Variants in SRGAP1 observed in about 807,000 individuals in gnomAD.
SRGAP1 encodes SLIT-ROBO Rho GTPase-activating protein 1.
SRGAP1 carries 43 observed loss-of-function variants against 121.9 expected under a neutral mutation model. The observed-to-expected ratio is 0.35, with a 90% confidence interval of 0.28 to 0.46. The LOEUF is 0.46. Among genes scored for constraint, SRGAP1 ranks in the 20% least tolerant of loss-of-function variants. The pLI is 1.00. For synonymous variants in SRGAP1, 447 were observed against 485.4 expected (o/e 0.92, Z 1.04); for missense variants, 1,102 against 1,350.9 (o/e 0.82, Z 2.89).
chr12:63,947,591 A>G (rs2032091380), intron 1 of SRGAP1, among the ~76,000 whole-genome samples: 1 of 152,166 alleles, frequency 6.6e-6, no homozygotes, highest in African/African-American at 2.4e-5. Context: ...TCAGTTGACT[A>G]TGTATGTGTG....
At chr12:64,018,163 A>G (rs2034455468) in intron 4 of SRGAP1, among the ~76,000 whole-genome samples, 1 of 152,198 alleles carries the variant, frequency 6.6e-6, no homozygotes, top group Non-Finnish European at 1.5e-5. Context: ...AATCTCGGTC[A>G]CTGCAACCTC....
At chr12:63,890,372 C>G (rs955546926) in intron 1 of SRGAP1, among the ~76,000 whole-genome samples, 1 of 152,196 alleles carries the variant, frequency 6.6e-6, no homozygotes, top group African/African-American at 2.4e-5. Context: ...AAAGTGTCTA[C>G]TTTTCCCTCC....
chr12:63,919,198 C>T (rs2030930218), intron 1 of SRGAP1, among the ~76,000 whole-genome samples: 2 of 151,988 alleles, frequency 1.3e-5, no homozygotes, highest in South Asian at 4.2e-4. Flanking sequence ...GCTGGGACTA[C>T]AGGCACACAC....
chr12:64,022,897 A>G (rs560071541), intron 4 of SRGAP1, among the ~76,000 whole-genome samples: 1 of 152,278 alleles, frequency 6.6e-6, no homozygotes, highest in Non-Finnish European at 1.5e-5. Context: ...GAAGAGAGAG[A>G]GAGGGGCCAT....
At chr12:64,014,512 A>C (rs182346993) in intron 3 of SRGAP1, among the ~76,000 whole-genome samples, 2 of 152,316 alleles carry the variant, frequency 1.3e-5, no homozygotes, top group East Asian at 3.9e-4. Context: ...TAACTAATGC[A>C]TATTAGGCTT....
rs2030269825 is a variant in SRGAP1, at chr12:63,907,464, G to A, written c.67+62581G>A. On this transcript the variant is annotated intron_variant, in intron 1 of 21. Transcript: ENST00000355086. ...GAGGCAGGGGAATCGCTTGATCCTG[G>A]GAGGTGGAGGTTGCAGTGAGCTGAG... is the stretch of plus-strand genomic sequence containing the variant. 2.0e-5 allele frequency among the ~76,000 whole-genome samples: 3 copies of A among 152,060 alleles called. No individual in the cohort carries two copies. In the South Asian group the frequency reaches 6.2e-4, roughly 31 times the overall value.
rs919487405 is a variant in SRGAP1 at position 63,858,269 on chromosome 12, C to T, written c.67+13386C>T. On this transcript the variant is annotated intron_variant, in intron 1 of 21. Coordinates refer to ENST00000355086, the MANE Select transcript of SRGAP1 (RefSeq NM_020762.4). Reference sequence around the variant, plus strand: ...TATCTAGTATTTTTGTCTTTAAATTCTTGGGAAAAAAACAGACCTATGATT... The same window carrying T: ...TATCTAGTATTTTTGTCTTTAAATTTTTGGGAAAAAAACAGACCTATGATT... Among the ~76,000 whole-genome samples, 4 of 146,670 alleles carry T rather than the reference C, an allele frequency of 2.7e-5. 1 individual carries two copies. The highest frequency in any genetic ancestry group is 4.5e-5 in the Non-Finnish European group (3 of 66,970).
intron 1 of SRGAP1, among the ~76,000 whole-genome samples, chr12:63,914,204 C>T (rs148838150): frequency 3.3e-5 from 5 of 152,290 alleles, no homozygotes; most frequent in East Asian, 1.9e-4. Context: ...CTGTAATTAA[C>T]GGTTTATGGT....
chr12:63,987,792 T>C (rs1188225338), intron 2 of SRGAP1, among the ~76,000 whole-genome samples: 1 of 152,176 alleles, frequency 6.6e-6, no homozygotes, highest in African/African-American at 2.4e-5. Flanking sequence ...AAGGATTAAG[T>C]AGAGTTGATG....
At chr12:63,881,536 C>A (rs938355428) in intron 1 of SRGAP1, among the ~76,000 whole-genome samples, 5 of 152,172 alleles carry the variant, frequency 3.3e-5, no homozygotes, top group Admixed American at 3.3e-4. Flanking sequence ...AAGTTACCGT[C>A]TTTGAGCCTC....
intron 10 of SRGAP1, among the ~76,000 whole-genome samples, chr12:64,082,826 C>T (rs916606817): frequency 2.0e-5 from 3 of 152,194 alleles, no homozygotes; most frequent in Non-Finnish European, 4.4e-5. Context: ...GTGTATAAAA[C>T]CTTCACAGGA....
At chr12:63,925,877 G>A (rs889422604) in intron 1 of SRGAP1, among the ~76,000 whole-genome samples, 6 of 152,052 alleles carry the variant, frequency 3.9e-5, no homozygotes, top group African/African-American at 1.2e-4. Flanking sequence ...GTCTGTTAGG[G>A]CAGAATTTGT....
intron 8 of SRGAP1, among the ~76,000 whole-genome samples, chr12:64,070,438 A>G (rs553878005): frequency 4.1e-4 from 63 of 152,340 alleles, no homozygotes; most frequent in Admixed American, 4.1e-3. Context: ...TCCAGAAAAT[A>G]AAGATTTCAT....
At chr12:64,012,266 T>G (rs917771310) in intron 3 of SRGAP1, among the ~76,000 whole-genome samples, 2 of 152,158 alleles carry the variant, frequency 1.3e-5, no homozygotes, top group Non-Finnish European at 2.9e-5. Flanking sequence ...GGAATTAAAC[T>G]CTGGGTTTAT....
chr12:63,949,338 T>C (rs1217217628), intron 1 of SRGAP1, among the ~76,000 whole-genome samples: 1 of 147,176 alleles, frequency 6.8e-6, no homozygotes. Flanking sequence ...ACTTGTTTTT[T>C]TTTTTTTTGC....
chr12:63,983,346 G>A (rs2033301798), intron 1 of SRGAP1: 3 of 152,132 alleles, frequency 2.0e-5, no homozygotes, highest in South Asian at 2.1e-4. Context: ...AAGATGTTAC[G>A]AATTGTTATC....
intron 18 of SRGAP1, among the ~76,000 whole-genome samples, chr12:64,116,838 A>T (rs1035552830): frequency 3.3e-5 from 5 of 152,176 alleles, no homozygotes; most frequent in African/African-American, 1.2e-4. Flanking sequence ...ATAGTTCCCC[A>T]GAGAAGGGGG....
intron 1 of SRGAP1, among the ~76,000 whole-genome samples, chr12:63,958,311 G>A (rs10878098): frequency 0.2 from 29,818 of 151,998 alleles, 2,966 homozygotes; most frequent in Middle Eastern, 0.28. Flanking sequence ...CGTGCAGTGT[G>A]CTCAGCTGTC....
intron 6 of SRGAP1, among the ~76,000 whole-genome samples, chr12:64,056,534 C>T (rs1005061105): frequency 1.0e-5 from 1 of 98,362 alleles, no homozygotes; most frequent in Non-Finnish European, 1.9e-5. Flanking sequence ...GCCTGGACAA[C>T]AGAATGAGAC....
Sources: allele counts gnomAD v4.1 joint callset (sites outside exome capture counted in the v4.1 genomes callset), GRCh38; gene constraint gnomAD v4.1.1; transcripts MANE v1.5; gene names NCBI Gene and HGNC (gene_info 2026-07-23, HGNC 2026-07-21).